PATJ: variants seen among roughly 807,000 people sequenced by gnomAD.
PATJ encodes PATJ crumbs cell polarity complex component.
In PATJ, 190 loss-of-function variants were observed where a neutral mutation model predicts 224.9. That is an observed-to-expected ratio of 0.84 (90% CI 0.75 to 0.95). PATJ has a LOEUF of 0.95. PATJ is among the 40% of genes least tolerant of loss of function. PATJ has a pLI of 0.00. For synonymous variants in PATJ, 769 were observed against 820.3 expected (o/e 0.94, Z 1.07); for missense variants, 2,121 against 2,270.3 (o/e 0.93, Z 1.34).
At chr1:61,836,487 C>T (rs942070405) in intron 17 of PATJ, among the ~76,000 whole-genome samples, 1 of 152,126 alleles carries the variant, frequency 6.6e-6, no homozygotes, top group Non-Finnish European at 1.5e-5. Context: ...TACAGCTAAA[C>T]CTTGGGGAAT....
At chr1:62,152,810 C>A (rs966961620) in intron 42 of PATJ, among the ~76,000 whole-genome samples, 1 of 152,070 alleles carries the variant, frequency 6.6e-6, no homozygotes, top group Non-Finnish European at 1.5e-5. Flanking sequence ...AAGGATGTGA[C>A]GACAGCTTCC....
intron 16 of PATJ, among the ~76,000 whole-genome samples, chr1:61,828,008 A>C (rs1479222745): frequency 6.6e-6 from 1 of 152,154 alleles, no homozygotes; most frequent in African/African-American, 2.4e-5. Flanking sequence ...GCACTTTGGG[A>C]GGCCGAGGTG....
chr1:61,977,396 G>A (rs181450630), intron 27 of PATJ, among the ~76,000 whole-genome samples: 32 of 152,150 alleles, frequency 2.1e-4, no homozygotes, highest in Admixed American at 2.0e-3. Flanking sequence ...AGCCCAAACT[G>A]GAAATTTTTT....
intron 30 of PATJ, among the ~76,000 whole-genome samples, chr1:62,040,081 C>T (rs1413554499): frequency 2.7e-5 from 4 of 150,738 alleles, no homozygotes; most frequent in East Asian, 3.9e-4. Context: ...AGGTAAAAGG[C>T]GATACTGGCA....
chr1:61,938,292 A>T (rs1677200735), intron 27 of PATJ, among the ~76,000 whole-genome samples: 1 of 152,200 alleles, frequency 6.6e-6, no homozygotes, highest in South Asian at 2.1e-4. Flanking sequence ...TACAAGGAAG[A>T]ATTATTTTGT....
At chr1:61,830,038 G>A (rs541309090) in intron 16 of PATJ, among the ~76,000 whole-genome samples, 7 of 152,226 alleles carry the variant, frequency 4.6e-5, no homozygotes, top group Admixed American at 1.3e-4. Context: ...ACTGTGGATC[G>A]GTTATTGACC....
chr1:62,124,805 G>A (rs1370592429), intron 39 of PATJ, among the ~76,000 whole-genome samples: 20 of 152,088 alleles, frequency 1.3e-4, no homozygotes. Flanking sequence ...AAGGACACCA[G>A]TCACATTGGA....
At chr1:61,778,304 C>T (rs2148422098) in intron 7 of PATJ, among the ~76,000 whole-genome samples, 1 of 152,200 alleles carries the variant, frequency 6.6e-6, no homozygotes, top group Admixed American at 6.5e-5. Flanking sequence ...GTGTGAGCCA[C>T]CATACCCAGC....
chr1:62,030,879 A>C (rs1649127155), intron 29 of PATJ, among the ~76,000 whole-genome samples: 1 of 152,074 alleles, frequency 6.6e-6, no homozygotes, highest in Admixed American at 6.5e-5. Context: ...GTAATACTTC[A>C]CTCTATGAAT....
At chr1:62,125,760 A>G (rs1665655030) in intron 39 of PATJ, among the ~76,000 whole-genome samples, 1 of 151,874 alleles carries the variant, frequency 6.6e-6, no homozygotes, top group Admixed American at 6.6e-5. Flanking sequence ...ACGTGATCCA[A>G]GCATAAATTT....
rs184654636 is a variant in PATJ, at chr1:61,787,069, A to G, written c.850-685A>G. Among the ~76,000 whole-genome samples, 351 of 152,284 alleles carry G rather than the reference A, an allele frequency of 2.3e-3. 2 individuals carry two copies. The highest frequency in any genetic ancestry group is 7.4e-3 in the African/African-American group (309 of 41,570). Reference sequence around the variant, plus strand: ...TCTGAACACCCCAACTGTGAAACACACCCAAGCTATTGTGGATTATTGCTA... The same window carrying G: ...TCTGAACACCCCAACTGTGAAACACGCCCAAGCTATTGTGGATTATTGCTA... On this transcript the variant is annotated intron_variant, in intron 7 of 43. Coordinates refer to ENST00000642238, the MANE Select transcript of PATJ (RefSeq NM_001350145.3).
At chr1:61,869,331 C>T (rs181650642) in intron 20 of PATJ, among the ~76,000 whole-genome samples, 2 of 151,946 alleles carry the variant, frequency 1.3e-5, no homozygotes, top group East Asian at 1.9e-4. Context: ...TGGTCTCGAT[C>T]TCCTGACCTC....
intron 24 of PATJ, among the ~76,000 whole-genome samples, chr1:61,907,744 T>C (rs1195461918): frequency 2.0e-5 from 3 of 152,210 alleles, no homozygotes; most frequent in Non-Finnish European, 4.4e-5. Flanking sequence ...CTGTTAAACA[T>C]GTTTTGGAAA....
At chr1:62,140,276 AC>A (rs1667365978) in intron 41 of PATJ, among the ~76,000 whole-genome samples, 1 of 152,066 alleles carries the variant, frequency 6.6e-6, no homozygotes, top group African/African-American at 2.4e-5. Context: ...GAACAAAATG[AC>A]TTCAGGTTTT....
chr1:62,028,107 T>C (rs563748746), intron 29 of PATJ, among the ~76,000 whole-genome samples: 1 of 152,338 alleles, frequency 6.6e-6, no homozygotes, highest in African/African-American at 2.4e-5. Flanking sequence ...CTAAGAGTTT[T>C]ATAGTTTTAG....
chr1:62,026,496 G>GTA (rs1409580365), intron 29 of PATJ, among the ~76,000 whole-genome samples: 7 of 143,904 alleles, frequency 4.9e-5, no homozygotes, highest in African/African-American at 1.9e-4. Flanking sequence ...GTCTGTGTGT[G>GTA]TGTGTACATG....
At chr1:61,747,045 G>C (rs1645058347) in intron 1 of PATJ, among the ~76,000 whole-genome samples, 2 of 152,178 alleles carry the variant, frequency 1.3e-5, no homozygotes, top group African/African-American at 4.8e-5. Flanking sequence ...CTTTGTTAAA[G>C]TTTAACAAGA....
chr1:62,077,728 G>GA (rs1244655680), intron 31 of PATJ, among the ~76,000 whole-genome samples: 2 of 150,874 alleles, frequency 1.3e-5, no homozygotes, highest in East Asian at 1.9e-4. Context: ...AAAACTGCAG[G>GA]AAAAAACAAA....
At chr1:61,944,013 G>A (rs574985776) in intron 27 of PATJ, among the ~76,000 whole-genome samples, 1 of 152,304 alleles carries the variant, frequency 6.6e-6, no homozygotes, top group South Asian at 2.1e-4. Context: ...GGTCCTGACT[G>A]TTAGAAGGAA....
Sources: allele counts gnomAD v4.1 joint callset (sites outside exome capture counted in the v4.1 genomes callset), GRCh38; gene constraint gnomAD v4.1.1; transcripts MANE v1.5; gene names NCBI Gene and HGNC (gene_info 2026-07-23, HGNC 2026-07-21).